Variants in EPHA6 observed in about 807,000 individuals in gnomAD.
EPHA6 encodes the protein EPH receptor A6, also known as ephrin type-A receptor 6.
A neutral mutation model predicts 112.0 loss-of-function variants in EPHA6; 50 were observed. The observed-to-expected ratio is 0.45, with a 90% CI of 0.36 to 0.56. EPHA6 has a LOEUF of 0.56. Among genes scored for constraint, EPHA6 ranks in the 20% least tolerant of loss-of-function variants. The probability of loss-of-function intolerance (pLI) is 0.00; values close to 1 mark genes in which losing one functional copy is unlikely to be tolerated. For missense variants in EPHA6, 1,280 were observed against 1,417.4 expected (o/e 0.90, Z 1.56); for synonymous variants, 529 against 490.7 (o/e 1.08, Z -1.03).
chr3:97,492,059 C>T (rs1012408121), intron 10 of EPHA6, among the ~76,000 whole-genome samples: 42 of 151,892 alleles, frequency 2.8e-4, no homozygotes, highest in Admixed American at 1.2e-3. Flanking sequence ...TACAATCTAC[C>T]ACATAGCTGA....
At chr3:97,331,992 G>A (rs1160720269) in intron 5 of EPHA6, among the ~76,000 whole-genome samples, 1 of 152,020 alleles carries the variant, frequency 6.6e-6, no homozygotes, top group African/African-American at 2.4e-5. Flanking sequence ...GATGAACATC[G>A]ATGCAAAAAT....
chr3:96,962,707 A>G lies in EPHA6; in HGVS notation c.451-24623A>G, dbSNP rs190885769. 3.3e-5 allele frequency among the ~76,000 whole-genome samples: 5 copies of G among 151,772 alleles called. No individual in the cohort carries two copies. The East Asian group carries it at 5.8e-4, about 18-fold the overall frequency. ...AAACAGCCTTATATAAAGAGAACCAACATTGACCTTGCCTGTGCTTGCTAA... is the reference window on the plus strand; with the variant it reads ...AAACAGCCTTATATAAAGAGAACCAGCATTGACCTTGCCTGTGCTTGCTAA... On this transcript the variant is annotated intron_variant, in intron 2 of 17. Coordinates refer to ENST00000389672, the MANE Select transcript of EPHA6 (RefSeq NM_001080448.3).
intron 14 of EPHA6, among the ~76,000 whole-genome samples, chr3:97,702,695 G>A (rs2033463337): frequency 6.6e-6 from 1 of 152,012 alleles, no homozygotes; most frequent in African/African-American, 2.4e-5. Context: ...GTAACCACTG[G>A]TACTTTTAGC....
At chr3:97,565,568 T>A (rs144249783) in intron 11 of EPHA6, among the ~76,000 whole-genome samples, 5 of 152,198 alleles carry the variant, frequency 3.3e-5, no homozygotes, top group African/African-American at 1.2e-4. Flanking sequence ...TATTAACATT[T>A]TAAAATTTCA....
chr3:97,381,013 C>T (rs2085697052), intron 5 of EPHA6, among the ~76,000 whole-genome samples: 1 of 151,954 alleles, frequency 6.6e-6, no homozygotes, highest in African/African-American at 2.4e-5. Context: ...AAGACAGTAG[C>T]ATTTTCTTCT....
intron 3 of EPHA6, among the ~76,000 whole-genome samples, chr3:96,992,180 T>C (rs2043241371): frequency 6.6e-6 from 1 of 152,204 alleles, no homozygotes; most frequent in South Asian, 2.1e-4. Context: ...TCTTCCAAGC[T>C]ATCACAGGCA....
At chr3:97,579,972 TAA>T (rs999873441) in intron 11 of EPHA6, among the ~76,000 whole-genome samples, 5 of 152,206 alleles carry the variant, frequency 3.3e-5, no homozygotes, top group South Asian at 2.1e-4. Flanking sequence ...TTGAAAGCGA[TAA>T]GTTTTTATTT....
intron 3 of EPHA6, among the ~76,000 whole-genome samples, chr3:97,194,305 A>G (rs1014761678): frequency 6.6e-6 from 1 of 151,844 alleles, no homozygotes; most frequent in South Asian, 2.1e-4. Flanking sequence ...TACAATTTCC[A>G]TCTTAATTTC....
intron 5 of EPHA6, among the ~76,000 whole-genome samples, chr3:97,364,932 A>C (rs1038052120): frequency 9.9e-5 from 15 of 152,236 alleles, no homozygotes; most frequent in African/African-American, 3.4e-4. Context: ...ACCTTCTCTC[A>C]GGTTGATTTA....
intron 10 of EPHA6, among the ~76,000 whole-genome samples, chr3:97,519,778 G>A (rs1361076834): frequency 6.6e-6 from 1 of 151,144 alleles, no homozygotes. Flanking sequence ...TTTTTTTCAG[G>A]TAGTTTATTA....
At position 97,500,223 on chromosome 3, in the gene EPHA6, G is replaced by A. The variant is rs554438551; in HGVS notation, c.2200+16164G>A. Among the ~76,000 whole-genome samples the A allele has an allele frequency of 2.0e-5, 3 of 152,210 alleles. No homozygotes were observed. In the South Asian group the frequency reaches 6.2e-4, roughly 32 times the overall value. ...TTTGTCACACTGGAAGGTCTTTTGG[G>A]ATGTGGTATGTGTAAGTTCATTCTG... On this transcript the variant is annotated intron_variant, in intron 10 of 17. Coordinates refer to ENST00000389672, the MANE Select transcript of EPHA6 (RefSeq NM_001080448.3).
chr3:97,240,253 G>A (rs985118445), intron 4 of EPHA6, among the ~76,000 whole-genome samples: 2 of 151,684 alleles, frequency 1.3e-5, no homozygotes, highest in Non-Finnish European at 2.9e-5. Flanking sequence ...TCTTTAAATG[G>A]TTCAGTGTGT....
intron 3 of EPHA6, among the ~76,000 whole-genome samples, chr3:97,044,003 T>C (rs1241554139): frequency 6.6e-6 from 1 of 152,188 alleles, no homozygotes; most frequent in Non-Finnish European, 1.5e-5. Flanking sequence ...TTTTCCTACA[T>C]CATCTCTCTC....
chr3:96,900,423 C>T (rs1302750783), intron 2 of EPHA6, among the ~76,000 whole-genome samples: 1 of 152,108 alleles, frequency 6.6e-6, no homozygotes, highest in Admixed American at 6.5e-5. Context: ...ATGAATTAAA[C>T]ATTATTCTTG....
rs554029099 is a variant in EPHA6 at position 97,149,317 on chromosome 3, A to T, written c.1115-76947A>T. ...GGCAGGATCCAAAACCACATGGCTG[A>T]GAAGGATGCTTGGCAATCGTGTTTG... On this transcript the variant is annotated intron_variant, in intron 3 of 17. Coordinates refer to ENST00000389672, the MANE Select transcript of EPHA6 (RefSeq NM_001080448.3). Among the ~76,000 whole-genome samples the T allele has an allele frequency of 4.6e-5, 7 of 152,292 alleles. No homozygotes were observed. In the South Asian group the frequency reaches 1.0e-3, roughly 23 times the overall value.
chr3:97,711,232 C>T (rs1044279816), intron 14 of EPHA6, among the ~76,000 whole-genome samples: 8 of 152,088 alleles, frequency 5.3e-5, no homozygotes, highest in Admixed American at 6.5e-5. Context: ...CCATGTAAGA[C>T]GTAACTTGCT....
chr3:96,832,488 C>T (rs2034148055), intron 1 of EPHA6, among the ~76,000 whole-genome samples: 1 of 152,034 alleles, frequency 6.6e-6, no homozygotes, highest in Non-Finnish European at 1.5e-5. Context: ...GTGGCCTGAA[C>T]TTCTAACCTT....
chr3:97,321,594 C>T (rs921436868), intron 5 of EPHA6, among the ~76,000 whole-genome samples: 15 of 151,766 alleles, frequency 9.9e-5, no homozygotes, highest in African/African-American at 3.6e-4. Flanking sequence ...TTTTAAAAAC[C>T]CCCAATGGGT....
chr3:97,518,531 T>C (rs1343448830), intron 10 of EPHA6, among the ~76,000 whole-genome samples: 1 of 152,004 alleles, frequency 6.6e-6, no homozygotes, highest in Non-Finnish European at 1.5e-5. Flanking sequence ...TGTTTGCCTT[T>C]TTTTTTCTTT....
Sources: allele counts gnomAD v4.1 joint callset (sites outside exome capture counted in the v4.1 genomes callset), GRCh38; gene constraint gnomAD v4.1.1; transcripts MANE v1.5; gene names NCBI Gene and HGNC (gene_info 2026-07-23, HGNC 2026-07-21).